Variants in TOM1L2 observed in about 807,000 individuals in gnomAD.
The protein encoded by TOM1L2 is target of myb1 like 2 membrane trafficking protein, also known as TOM1-like protein 2.
Under a neutral mutation model 67.9 loss-of-function variants are expected in TOM1L2, and 31 were observed. The ratio of observed to expected loss-of-function variants is 0.46; its 90% CI spans 0.34 to 0.62. TOM1L2 has a LOEUF of 0.62. Ranked by LOEUF, TOM1L2 falls within the 20% of genes least tolerant of loss-of-function variation. The pLI is 0.01. For synonymous variants in TOM1L2, 256 were observed against 254.0 expected (o/e 1.01, Z -0.07); for missense variants, 606 against 663.5 (o/e 0.91, Z 0.95).
chr17:17,854,992 T>C (rs1164694523), intron 12 of TOM1L2, among the ~76,000 whole-genome samples: 1 of 152,158 alleles, frequency 6.6e-6, no homozygotes, highest in African/African-American at 2.4e-5. Context: ...TGCCCTCCAA[T>C]AGAGACTGCT....
intron 2 of TOM1L2, among the ~76,000 whole-genome samples, chr17:17,902,606 A>C (rs1275904188): frequency 6.6e-6 from 1 of 152,260 alleles, no homozygotes; most frequent in Non-Finnish European, 1.5e-5. Context: ...GATGCACTGC[A>C]GGGCTGGACA....
In TOM1L2 at chr17:17,879,660, T is replaced by C; in HGVS notation, c.744A>G (p.Gly248=). 4 of 1,614,188 alleles carry C rather than the reference T, an allele frequency of 2.5e-6. No homozygotes were observed. The highest frequency in any genetic ancestry group is 2.5e-6 in the Non-Finnish European group (3 of 1,180,030). ...MSEMLTEMVP[G]QEDSSDLELL... ...ACTCCAGATCAGATGAATCCTCCTG[T>C]CCAGGGACCATTTCTGTTAACATCT... is the stretch of plus-strand genomic sequence containing the variant. Residue 248 remains glycine (G), a synonymous_variant, in exon 7 of 15, where the codon GGA becomes GGG. Coordinates refer to ENST00000379504, the MANE Select transcript of TOM1L2 (RefSeq NM_001082968.2).
intron 7 of TOM1L2, 73 bp downstream of exon 7, chr17:17,879,554 G>C (rs556998662): frequency 1.6e-6 from 2 of 1,228,740 alleles, no homozygotes; most frequent in South Asian, 1.2e-5. Flanking sequence ...CTGTGTCCCC[G>C]GGTGGGATCC....
chr17:17,905,148 G>A (rs546675609), intron 2 of TOM1L2, among the ~76,000 whole-genome samples: 3 of 152,324 alleles, frequency 2.0e-5, no homozygotes, highest in East Asian at 3.9e-4. Context: ...TGTGAGTCAC[G>A]TCTGTGTACC....
At chr17:17,963,700 T>C (rs1205670337) in intron 1 of TOM1L2, among the ~76,000 whole-genome samples, 1 of 152,138 alleles carries the variant, frequency 6.6e-6, no homozygotes, top group East Asian at 1.9e-4. Flanking sequence ...AGTGAATAAC[T>C]ATGAAGAATA....
At chr17:17,927,290 C>T (rs2040132714) in intron 1 of TOM1L2, among the ~76,000 whole-genome samples, 1 of 152,222 alleles carries the variant, frequency 6.6e-6, no homozygotes, top group African/African-American at 2.4e-5. Context: ...GTGGATAAAG[C>T]AGCACAGCTG....
intron 1 of TOM1L2, among the ~76,000 whole-genome samples, chr17:17,956,825 G>A (rs1256365728): frequency 1.3e-5 from 2 of 152,088 alleles, no homozygotes; most frequent in African/African-American, 2.4e-5. Context: ...AGCGCCACGC[G>A]CAGCCCGGTT....
intron 3 of TOM1L2, among the ~76,000 whole-genome samples, chr17:17,896,527 C>T (rs2038579901): frequency 6.6e-6 from 1 of 152,198 alleles, no homozygotes; most frequent in Non-Finnish European, 1.5e-5. Context: ...GACAGAGATG[C>T]ATGTGCCACA....
At chr17:17,856,251 A>G (rs1401441905) in intron 12 of TOM1L2, among the ~76,000 whole-genome samples, 1 of 152,276 alleles carries the variant, frequency 6.6e-6, no homozygotes, top group Admixed American at 6.5e-5. Flanking sequence ...GGCCCCTGAC[A>G]TGTGGGCCAG....
chr17:17,898,730 C>G, intron 2 of TOM1L2, 56 bp from the exon 3 acceptor site: 1 of 1,570,232 alleles, frequency 6.4e-7, no homozygotes, highest in Non-Finnish European at 8.8e-7. Context: ...AGGACACGAT[C>G]CTACAGATAT....
At chr17:17,853,579 G>A (rs1048383794) in intron 12 of TOM1L2, among the ~76,000 whole-genome samples, 1 of 152,178 alleles carries the variant, frequency 6.6e-6, no homozygotes, top group Non-Finnish European at 1.5e-5. Flanking sequence ...CTGGCTCATG[G>A]GAACCCTTTT....
At position 17,862,844 on chromosome 17, in the gene TOM1L2, C is replaced by T; in HGVS notation, c.1089G>A (p.Leu363=). ...SLSSQLAGLD[L]GTESVSGTLS... is the part of the protein sequence containing the mutation. ...GGGTGCCACTGACGCTCTCTGTCCC[C>T]AAGTCTGTGGCAACAAAACAAATGG... Residue 363 remains leucine, a synonymous_variant, in exon 11 of 15, where the codon TTG becomes TTA. Transcript: ENST00000379504. 4.3e-6 allele frequency: 7 copies of T among 1,613,456 alleles called. No individual in the cohort carries two copies. Among genetic ancestry groups the T allele is most frequent in the Non-Finnish European group, 5.9e-6 (7 of 1,179,686 alleles).
In TOM1L2 at chr17:17,883,312, G is replaced by GT. The variant is rs2037825566; in HGVS notation, c.502-450dup. Among the ~76,000 whole-genome samples, 5 of 152,334 alleles carry GT rather than the reference G, an allele frequency of 3.3e-5. No individual in the cohort carries two copies. The South Asian group carries it at 1.0e-3, about 32-fold the overall frequency. ...ATAGTAATTATGCAATTTACCAAATGTTTTTTGTAATTATAGGAACAACAA... is the reference window on the plus strand; with the variant it reads ...ATAGTAATTATGCAATTTACCAAATGTTTTTTTGTAATTATAGGAACAACAA... On this transcript the variant is annotated intron_variant, in intron 5 of 14. Coordinates refer to ENST00000379504, the MANE Select transcript of TOM1L2 (RefSeq NM_001082968.2).
chr17:17,963,583 A>G (rs10048206), intron 1 of TOM1L2, among the ~76,000 whole-genome samples: 74,281 of 152,070 alleles, frequency 0.49, 19,180 homozygotes, highest in East Asian at 0.86. Flanking sequence ...TTTAAATGAG[A>G]TAAGTATGCA....
In TOM1L2 at chr17:17,862,731, G is replaced by C; in HGVS notation, c.1202C>G (p.Thr401Arg). ...RGNSLAEQRKTVTYEDPQAVG... is the reference protein window; with the variant it reads ...RGNSLAEQRKRVTYEDPQAVG... ...AGCCACTAAAAGGGGCCCCACATAC[G>C]TCTTGCGCTGCTCAGCCAAGGAGTT... The change falls in exon 11 of 15, where the codon ACG (threonine) becomes AGG (arginine). Residue 401 changes from threonine to arginine, a missense_variant and splice_region_variant. Coordinates refer to ENST00000379504, the MANE Select transcript of TOM1L2 (RefSeq NM_001082968.2). 6.2e-7 allele frequency: 1 copy of C among 1,612,782 alleles called. No homozygotes were observed. Among genetic ancestry groups the C allele is most frequent in the Non-Finnish European group, 8.5e-7 (1 of 1,179,760 alleles).
chr17:17,870,369 C>T (rs1259014944), intron 7 of TOM1L2, among the ~76,000 whole-genome samples: 1 of 152,166 alleles, frequency 6.6e-6, no homozygotes, highest in African/African-American at 2.4e-5. Flanking sequence ...TTACAGAGCT[C>T]CGTCAATTCC....
intron 1 of TOM1L2, among the ~76,000 whole-genome samples, chr17:17,966,426 CA>C (rs1367248022): frequency 2.0e-5 from 3 of 152,176 alleles, no homozygotes; most frequent in African/African-American, 4.8e-5. Flanking sequence ...ATTAAAGAAA[CA>C]GAACTTCAAA....
chr17:17,955,027 T>C (rs112123910), intron 1 of TOM1L2, among the ~76,000 whole-genome samples: 41 of 152,324 alleles, frequency 2.7e-4, no homozygotes, highest in African/African-American at 9.6e-4. Context: ...ATTTATGGAA[T>C]TGAAATGATT....
intron 2 of TOM1L2, among the ~76,000 whole-genome samples, chr17:17,905,070 G>A (rs557764269): frequency 4.9e-4 from 75 of 152,342 alleles, no homozygotes; most frequent in African/African-American, 1.7e-3. Flanking sequence ...TTAGGAGGAC[G>A]TGAGGAAGGT....
Sources: allele counts gnomAD v4.1 joint callset (sites outside exome capture counted in the v4.1 genomes callset), GRCh38; gene constraint gnomAD v4.1.1; transcripts MANE v1.5; gene names NCBI Gene and HGNC (gene_info 2026-07-23, HGNC 2026-07-21).